ABTB2: variants seen among roughly 807,000 people sequenced by gnomAD.
ABTB2 encodes the protein ankyrin repeat and BTB domain containing 2, also known as ankyrin repeat and BTB/POZ domain-containing protein 2.
Under a neutral mutation model 104.1 loss-of-function variants are expected in ABTB2, and 56 were observed. That is an observed-to-expected ratio of 0.54 (90% CI 0.43 to 0.67). The LOEUF (loss-of-function observed/expected upper bound fraction) is 0.67, where lower values mean the gene tolerates loss of function less well. Ranked by LOEUF, ABTB2 falls within the 30% of genes least tolerant of loss-of-function variation. The probability of loss-of-function intolerance (pLI) is 0.00; values close to 1 mark genes in which losing one functional copy is unlikely to be tolerated. For missense variants in ABTB2, 1,279 were observed against 1,407.7 expected (o/e 0.91, Z 1.46); for synonymous variants, 606 against 608.2 (o/e 1.00, Z 0.05).
In ABTB2 at chr11:34,357,281, T is replaced by C. The variant is rs2133133517; in HGVS notation, c.303A>G (p.Glu101=). The C allele has an allele frequency of 7.3e-6, 11 of 1,501,456 alleles. No homozygotes were observed. The highest frequency in any genetic ancestry group is 9.8e-6 in the Non-Finnish European group (11 of 1,126,196). 93.0% of individuals were successfully genotyped at this position (1,501,456 alleles called of 1,614,324 possible). ...LPELEEFPWT[E]GDVARVLRKG... The stretch of plus-strand genomic sequence containing the variant: ...TGCGGAGCACCCGGGCCACGTCTCC[T>C]TCGGTCCAGGGGAACTCCTCCAGCT... Residue 101 remains glutamate (E), a synonymous_variant, in exon 1 of 17, where the codon GAA becomes GAG. Transcript: ENST00000435224.
chr11:34,326,008 A>C (rs1287262516), intron 1 of ABTB2, among the ~76,000 whole-genome samples: 1 of 150,546 alleles, frequency 6.6e-6, no homozygotes, highest in African/African-American at 2.4e-5. Context: ...AATAAAATAA[A>C]ATAAAATAAA....
chr11:34,214,690 C>T (rs1853528662), intron 1 of ABTB2, among the ~76,000 whole-genome samples: 1 of 151,892 alleles, frequency 6.6e-6, no homozygotes, highest in Non-Finnish European at 1.5e-5. Flanking sequence ...CAGGTGTGGG[C>T]CACTGCACCC....
intron 1 of ABTB2, among the ~76,000 whole-genome samples, chr11:34,271,545 C>G (rs961487609): frequency 6.6e-6 from 1 of 152,058 alleles, no homozygotes; most frequent in Non-Finnish European, 1.5e-5. Flanking sequence ...TTGAGACTAC[C>G]CTGGGCAACA....
At chr11:34,253,193 T>C (rs1854076727) in intron 1 of ABTB2, among the ~76,000 whole-genome samples, 1 of 152,114 alleles carries the variant, frequency 6.6e-6, no homozygotes, top group Non-Finnish European at 1.5e-5. Flanking sequence ...CCTGGGTCAC[T>C]TGCCATCTCC....
At chr11:34,174,340 AAAAAAAAAAAG>A (rs1263307226) in intron 3 of ABTB2, among the ~76,000 whole-genome samples, 2 of 150,410 alleles carry the variant, frequency 1.3e-5, no homozygotes, top group African/African-American at 4.9e-5. Context: ...AAAAAAAAAA[AAAAAAAAAAAG>A]AAAGAAAAAG....
chr11:34,157,665 G>A (rs1056556716), intron 14 of ABTB2, among the ~76,000 whole-genome samples: 4 of 152,152 alleles, frequency 2.6e-5, no homozygotes, highest in African/African-American at 4.8e-5. Flanking sequence ...AAGGGGAGAC[G>A]CCACCTGGCT....
rs182975358 is a variant in ABTB2, at chr11:34,337,757, C to T, written c.883+18944G>A. Among the ~76,000 whole-genome samples the T allele has an allele frequency of 2.5e-3, 378 of 152,232 alleles. 2 individuals carry two copies. Among genetic ancestry groups the T allele is most frequent in the African/African-American group, 8.5e-3 (353 of 41,550 alleles). On this transcript the variant is annotated intron_variant, in intron 1 of 16. Coordinates refer to ENST00000435224, the MANE Select transcript of ABTB2 (RefSeq NM_145804.3). ...TCCTGCTCACCTCATAGTAGGCATTCGGCAAATAACAACCTATATTTTTAT... is the reference window on the plus strand; with the variant it reads ...TCCTGCTCACCTCATAGTAGGCATTTGGCAAATAACAACCTATATTTTTAT...
intron 3 of ABTB2, among the ~76,000 whole-genome samples, chr11:34,177,821 G>A (rs1364878761): frequency 4.6e-5 from 7 of 152,024 alleles, no homozygotes. Flanking sequence ...GCCAACCTCG[G>A]CCCCCAAAAT....
intron 1 of ABTB2, among the ~76,000 whole-genome samples, chr11:34,293,439 G>A (rs2093325): frequency 0.71 from 107,488 of 151,994 alleles, 39,328 homozygotes; most frequent in East Asian, 0.91. Context: ...GAGGCCCCAG[G>A]GTGGAGAGGC....
intron 9 of ABTB2, among the ~76,000 whole-genome samples, 196 bp downstream of exon 9, chr11:34,164,489 AG>A (rs1349216346): frequency 6.6e-6 from 1 of 152,222 alleles, no homozygotes; most frequent in Non-Finnish European, 1.5e-5. Context: ...GCCAGGAATC[AG>A]CTGTGGGGCC....
chr11:34,163,880 C>T (rs557455618), intron 9 of ABTB2, among the ~76,000 whole-genome samples: 13 of 152,146 alleles, frequency 8.5e-5, no homozygotes. Context: ...GAAGAGGCCT[C>T]CATGGGGGAT....
At chr11:34,164,863 AGCCGCCAGGGCAG>A in intron 8 of ABTB2, 42 bp from the exon 9 acceptor site, 5 of 1,568,616 alleles carry the variant, frequency 3.2e-6, no homozygotes, top group Non-Finnish European at 4.3e-6. Context: ...CTGAGACAGT[AGCCGCCAGGGCAG>A]CTGAGGCGAA....
chr11:34,160,120 G>T (rs1054542159), intron 12 of ABTB2, 112 bp from the exon 13 acceptor site: 7 of 1,254,690 alleles, frequency 5.6e-6, no homozygotes, highest in Non-Finnish European at 8.0e-6. Flanking sequence ...CAGAGGTGAG[G>T]AACAGAGAAA....
chr11:34,193,350 A>G (rs1853206530), intron 3 of ABTB2, among the ~76,000 whole-genome samples: 1 of 152,242 alleles, frequency 6.6e-6, no homozygotes, highest in South Asian at 2.1e-4. Context: ...CTCCAGCTGC[A>G]GAGCTTTCCC....
At chr11:34,335,782 G>T in intron 1 of ABTB2, 1 of 1,375,100 alleles carries the variant, frequency 7.3e-7, no homozygotes, top group Non-Finnish European at 1.0e-6. Context: ...TATGATCCCA[G>T]GAAGCTTGAA....
chr11:34,313,884 C>T (rs1367855728), intron 1 of ABTB2, among the ~76,000 whole-genome samples: 2 of 152,210 alleles, frequency 1.3e-5, no homozygotes, highest in African/African-American at 4.8e-5. Flanking sequence ...GCCCTCCCCA[C>T]CGTCCTCAGC....
intron 1 of ABTB2, among the ~76,000 whole-genome samples, chr11:34,238,796 G>C (rs2611094): frequency 0.9 from 137,322 of 152,172 alleles, 62,212 homozygotes; most frequent in African/African-American, 0.96. Flanking sequence ...CTCTGTCGCC[G>C]AGGCTGGAGT....
In ABTB2 at chr11:34,357,793, C is replaced by G. The variant is rs1295840387; in HGVS notation, c.-210G>C. On this transcript the variant is annotated 5_prime_UTR_variant, in exon 1 of 17. Transcript: ENST00000435224. ...GCAGGAGCCCCACGCTCCCGGCGTC[C>G]CGACTCGCAGCTGCCACTGGAAAGA... The G allele has an allele frequency of 1.8e-6, 1 of 542,844 alleles. No individual in the cohort carries two copies. The highest frequency in any genetic ancestry group is 3.1e-6 in the Non-Finnish European group (1 of 318,584). The allele number at this position is 542,844 out of a possible 1,614,324, so 33.6% of individuals were successfully genotyped here.
chr11:34,199,641 G>A (rs898469241), intron 2 of ABTB2, among the ~76,000 whole-genome samples: 3 of 152,098 alleles, frequency 2.0e-5, no homozygotes, highest in Non-Finnish European at 4.4e-5. Flanking sequence ...TGAGAACTCA[G>A]GGAGGCTCCC....
Sources: allele counts gnomAD v4.1 joint callset (sites outside exome capture counted in the v4.1 genomes callset), GRCh38; gene constraint gnomAD v4.1.1; transcripts MANE v1.5; gene names NCBI Gene and HGNC (gene_info 2026-07-23, HGNC 2026-07-21).